HTT: variants seen among roughly 807,000 people sequenced by gnomAD.
The protein encoded by HTT is huntington disease protein.
HTT carries 104 observed loss-of-function variants against 362.3 expected under a neutral mutation model. The ratio of observed to expected loss-of-function variants is 0.29; its 90% CI spans 0.24 to 0.34. The LOEUF is 0.34. Among genes scored for constraint, HTT ranks in the 10% least tolerant of loss-of-function variants. The probability of loss-of-function intolerance (pLI) is 1.00; values close to 1 mark genes in which losing one functional copy is unlikely to be tolerated. For missense variants in HTT, 3,301 were observed against 3,928.6 expected (o/e 0.84, Z 4.27); for synonymous variants, 1,577 against 1,548.7 (o/e 1.02, Z -0.43).
At chr4:3,234,244 A>G (rs905630276) in intron 61 of HTT, among the ~76,000 whole-genome samples, 1 of 152,254 alleles carries the variant, frequency 6.6e-6, no homozygotes, top group Admixed American at 6.5e-5. Flanking sequence ...GATTTGGGAC[A>G]TGCTGGAGCA....
chr4:3,188,033 C>A, intron 39 of HTT, 147 bp downstream of exon 39: 1 of 607,208 alleles, frequency 1.6e-6, no homozygotes, highest in Non-Finnish European at 2.9e-6. Flanking sequence ...TTTTCTAATC[C>A]GTCCTGCATT....
chr4:3,187,260 A>G (rs184762527), intron 38 of HTT, among the ~76,000 whole-genome samples: 1,540 of 150,360 alleles, frequency 0.01, 11 homozygotes, highest in African/African-American at 0.023. Flanking sequence ...GGTTCAAGCA[A>G]TTTTCCTGCC....
Position 3,217,966 on chromosome 4 carries a change from T to C in HTT, c.7242+14T>C. On this transcript the variant is annotated intron_variant, in intron 52 of 66. Transcript: ENST00000355072. ...GTGCCCCCACTGGTGAGTCTGCTCG[T>C]TCCTTGCAGAAGACCAAGTACGGTG... 2 of 1,592,728 alleles carry C rather than the reference T, an allele frequency of 1.3e-6. No individual in the cohort carries two copies. The highest frequency in any genetic ancestry group is 8.5e-7 in the Non-Finnish European group (1 of 1,169,970).
chr4:3,092,620 G>A (rs1713575247), intron 2 of HTT, among the ~76,000 whole-genome samples: 1 of 152,126 alleles, frequency 6.6e-6, no homozygotes, highest in Non-Finnish European at 1.5e-5. Flanking sequence ...GGGCCCAAGT[G>A]ATCCTCCCAC....
At chr4:3,116,513 C>CA (rs1715036434) in intron 8 of HTT, among the ~76,000 whole-genome samples, 1 of 152,164 alleles carries the variant, frequency 6.6e-6, no homozygotes, top group African/African-American at 2.4e-5. Context: ...CCACTGCTAC[C>CA]CTGTTTCTAA....
rs182606808 is a variant in HTT at position 3,172,510 on chromosome 4, G to A, written c.3942+113G>A. Reference sequence around the variant, plus strand: ...GCATAATCAGCTGGGAGGATTGTGGGGTCCAGCGCAGCACTTTTTGGCTCA... The same window carrying A: ...GCATAATCAGCTGGGAGGATTGTGGAGTCCAGCGCAGCACTTTTTGGCTCA... On this transcript the variant is annotated intron_variant, in intron 30 of 66. Coordinates refer to ENST00000355072, the MANE Select transcript of HTT (RefSeq NM_001388492.1). The A allele has an allele frequency of 2.8e-4, 221 of 796,282 alleles. 1 individual carries two copies. The African/African-American group carries it at 3.5e-3, about 13-fold the overall frequency. The allele number at this position is 796,282 out of a possible 1,614,324, so 49.3% of individuals were successfully genotyped here. A position where few individuals can be genotyped will look rare whatever the true frequency, so the allele number is the denominator to read the frequency against.
In HTT at chr4:3,107,290, A is replaced by T. The variant is rs773952537; in HGVS notation, c.614A>T (p.Tyr205Phe). Residue 205 changes from tyrosine (Y) to phenylalanine (F), a missense_variant, in exon 6 of 67, where the codon TAC (tyrosine) becomes TTC (phenylalanine). This residue lies in a region of HTT where 2,316 missense variants were observed against 2,658.5 expected (regional missense o/e 0.87). Coordinates refer to ENST00000355072, the MANE Select transcript of HTT (RefSeq NM_001388492.1). ...GCGTTCTTTTGCATACACAGGCCTT[A>T]CCTGGTGAACCTTCTGCCGTGCCTG... is the stretch of plus-strand genomic sequence containing the variant. Reference protein sequence around the residue: ...HLVRPQKCRPYLVNLLPCLTR... With the variant: ...HLVRPQKCRPFLVNLLPCLTR... 12 of 1,614,144 alleles carry T rather than the reference A, an allele frequency of 7.4e-6. No individual in the cohort carries two copies. Among genetic ancestry groups the T allele is most frequent in the Non-Finnish European group, 1.0e-5 (12 of 1,179,986 alleles).
At chr4:3,185,439 T>C (rs1294545098) in intron 37 of HTT, among the ~76,000 whole-genome samples, 1 of 152,144 alleles carries the variant, frequency 6.6e-6, no homozygotes, top group Non-Finnish European at 1.5e-5. Context: ...GTGGCCAGTG[T>C]TGTGAGCTTC....
At chr4:3,104,501 C>T (rs866703087) in intron 4 of HTT, among the ~76,000 whole-genome samples, 33 of 151,752 alleles carry the variant, frequency 2.2e-4, no homozygotes, top group African/African-American at 7.2e-4. Flanking sequence ...CCTGGCTACT[C>T]GGGAGGCTGA....
At chr4:3,126,321 C>T (rs762976698) in intron 11 of HTT, among the ~76,000 whole-genome samples, 25 of 152,026 alleles carry the variant, frequency 1.6e-4, no homozygotes, top group Non-Finnish European at 2.5e-4. Context: ...CCCACAGTGC[C>T]GGGATTACAG....
rs997298053 is a variant in HTT at position 3,218,008 on chromosome 4, C to T, written c.7242+56C>T. 2.0e-6 allele frequency: 3 copies of T among 1,472,772 alleles called. No homozygotes were observed. Among genetic ancestry groups the T allele is most frequent in the Non-Finnish European group, 2.8e-6 (3 of 1,086,056 alleles). 91.2% of individuals were successfully genotyped at this position (1,472,772 alleles called of 1,614,324 possible). A position where few individuals can be genotyped will look rare whatever the true frequency, so the allele number is the denominator to read the frequency against. On this transcript the variant is annotated intron_variant, in intron 52 of 66. Transcript: ENST00000355072. The surrounding 1 kb of genome is among the most constrained non-coding windows in gnomAD (Gnocchi z 4.4). ...AGTACGGTGAAAGGCACCGGTAGGCCCTGGGCTGGGCACACGTGAGAGGGC... is the reference window on the plus strand; with the variant it reads ...AGTACGGTGAAAGGCACCGGTAGGCTCTGGGCTGGGCACACGTGAGAGGGC...
intron 2 of HTT, among the ~76,000 whole-genome samples, chr4:3,089,467 A>C (rs1041093491): frequency 6.6e-6 from 1 of 152,164 alleles, no homozygotes; most frequent in Non-Finnish European, 1.5e-5. Flanking sequence ...GTTAGCCAGG[A>C]TGGTCTTGAT....
chr4:3,236,806 AC>A (rs1721560038), intron 64 of HTT, among the ~76,000 whole-genome samples: 1 of 146,886 alleles, frequency 6.8e-6, no homozygotes, highest in African/African-American at 2.5e-5. Flanking sequence ...GGCTTCCCTC[AC>A]CTGCTCTGGA....
Position 3,180,593 on chromosome 4 carries a change from T to C in HTT, c.4691T>C (p.Leu1564Pro). ...AATAAAGCTGATGCAGGAAAAGAGC[T>C]TGAAACCCAAAAAGAGGTGGTGGTG... ...GTNKADAGKE[L>P]ETQKEVVVSM... is the part of the protein sequence containing the mutation. The change falls in exon 36 of 67, where the codon CTT (leucine) becomes CCT (proline). Residue 1564 changes from leucine (L) to proline (P), a missense_variant. Leu to Pro is a moderately conservative substitution (Grantham distance 98). This residue lies in a region of HTT where 2,316 missense variants were observed against 2,658.5 expected (regional missense o/e 0.87). Coordinates refer to ENST00000355072, the MANE Select transcript of HTT (RefSeq NM_001388492.1). The C allele has an allele frequency of 1.2e-6, 2 of 1,613,740 alleles. No homozygotes were observed. Among genetic ancestry groups the C allele is most frequent in the Middle Eastern group, 1.7e-4 (1 of 6,060 alleles).
chr4:3,223,672 T>C, intron 55 of HTT, 112 bp downstream of exon 55: 2 of 983,128 alleles, frequency 2.0e-6, no homozygotes, highest in South Asian at 3.3e-5. Context: ...ATTGCTAGAA[T>C]TGAAAACACC....
intron 37 of HTT, among the ~76,000 whole-genome samples, chr4:3,183,836 A>G (rs148956380): frequency 6.6e-6 from 1 of 152,352 alleles, no homozygotes; most frequent in African/African-American, 2.4e-5. Flanking sequence ...TACAACATTT[A>G]TGAAACGCTT....
intron 41 of HTT, 82 bp downstream of exon 41, chr4:3,200,021 C>A: frequency 1.8e-6 from 2 of 1,125,294 alleles, no homozygotes; most frequent in Non-Finnish European, 1.3e-6. Flanking sequence ...CTTTGGCCAC[C>A]GTTAAAGCAT....
intron 29 of HTT, among the ~76,000 whole-genome samples, chr4:3,165,151 A>G (rs1717636494): frequency 6.6e-6 from 1 of 152,140 alleles, no homozygotes. Context: ...CTTGTCTGTA[A>G]AGGATTTTAT....
intron 2 of HTT, among the ~76,000 whole-genome samples, chr4:3,095,836 A>T (rs886485772): frequency 7.2e-5 from 11 of 152,270 alleles, no homozygotes; most frequent in African/African-American, 2.4e-4. Context: ...AGAAGCCAGA[A>T]ATAGGGGAAG....
Sources: allele counts gnomAD v4.1 joint callset (sites outside exome capture counted in the v4.1 genomes callset), GRCh38; gene constraint gnomAD v4.1.1; regional missense constraint gnomAD v4.1.1; non-coding constraint Gnocchi (gnomAD v3.1); transcripts MANE v1.5; gene names NCBI Gene and HGNC (gene_info 2026-07-23, HGNC 2026-07-21).